Variants in DKK2 observed in about 807,000 individuals in gnomAD.
DKK2 encodes the protein dickkopf-related protein 2.
Under a neutral mutation model 28.1 loss-of-function variants are expected in DKK2, and 11 were observed. The observed-to-expected ratio is 0.39, with a 90% confidence interval of 0.25 to 0.65. DKK2 has a LOEUF of 0.65. Ranked by LOEUF, DKK2 falls within the 30% of genes least tolerant of loss-of-function variation. The probability of loss-of-function intolerance (pLI) is 0.47; values close to 1 mark genes in which losing one functional copy is unlikely to be tolerated. For synonymous variants in DKK2, 135 were observed against 126.5 expected (o/e 1.07, Z -0.45); for missense variants, 326 against 335.5 (o/e 0.97, Z 0.22).
chr4:106,972,496 T>C (rs1323731010), intron 1 of DKK2, among the ~76,000 whole-genome samples: 3 of 151,910 alleles, frequency 2.0e-5, no homozygotes, highest in Non-Finnish European at 4.4e-5. Flanking sequence ...GGGTAAGATA[T>C]ATCTTATTCT....
intron 1 of DKK2, among the ~76,000 whole-genome samples, chr4:107,011,574 C>A (rs903818587): frequency 1.3e-5 from 2 of 151,512 alleles, no homozygotes; most frequent in African/African-American, 4.8e-5. Context: ...ACATACTCTG[C>A]ATTCATCATA....
intron 1 of DKK2, among the ~76,000 whole-genome samples, chr4:106,935,388 G>A (rs549967818): frequency 2.0e-4 from 30 of 152,316 alleles, no homozygotes; most frequent in African/African-American, 4.3e-4. Context: ...ACTCCCACCC[G>A]AATACTGCGC....
At chr4:106,984,266 T>C (rs1205368021) in intron 1 of DKK2, among the ~76,000 whole-genome samples, 1 of 152,236 alleles carries the variant, frequency 6.6e-6, no homozygotes, top group Non-Finnish European at 1.5e-5. Flanking sequence ...ATTCACAGTG[T>C]TGTGCAACCA....
intron 1 of DKK2, among the ~76,000 whole-genome samples, chr4:106,950,245 G>T (rs1035219847): frequency 6.6e-6 from 1 of 152,134 alleles, no homozygotes; most frequent in Non-Finnish European, 1.5e-5. Context: ...CACTTGCTCA[G>T]ACCAAAAACC....
At chr4:106,975,451 CT>C (rs562227048) in intron 1 of DKK2, among the ~76,000 whole-genome samples, 155 of 152,190 alleles carry the variant, frequency 1.0e-3, no homozygotes, top group African/African-American at 3.5e-3. Flanking sequence ...GGATTCGACT[CT>C]TCCTGGTTTA....
chr4:107,016,792 C>CA (rs1723614154), intron 1 of DKK2, among the ~76,000 whole-genome samples: 1 of 151,692 alleles, frequency 6.6e-6, no homozygotes. Context: ...GATTTACCGT[C>CA]AATTGAGATG....
chr4:106,940,903 A>G (rs1724687142), intron 1 of DKK2, among the ~76,000 whole-genome samples: 1 of 152,088 alleles, frequency 6.6e-6, no homozygotes, highest in South Asian at 2.1e-4. Context: ...GTGGGAATTG[A>G]ACAATGAGAT....
chr4:107,033,314 C>T (rs933567585), intron 1 of DKK2, among the ~76,000 whole-genome samples: 1 of 152,058 alleles, frequency 6.6e-6, no homozygotes, highest in Non-Finnish European at 1.5e-5. Context: ...AAATTCAACT[C>T]ATTTGTGAAA....
intron 1 of DKK2, among the ~76,000 whole-genome samples, chr4:106,975,928 T>C (rs1722938201): frequency 6.6e-6 from 1 of 152,206 alleles, no homozygotes; most frequent in Non-Finnish European, 1.5e-5. Flanking sequence ...CCAGAGATTC[T>C]GGTATGTTGC....
At chr4:106,960,243 A>C (rs1271370618) in intron 1 of DKK2, among the ~76,000 whole-genome samples, 1 of 151,816 alleles carries the variant, frequency 6.6e-6, no homozygotes, top group Non-Finnish European at 1.5e-5. Flanking sequence ...ACTCAGCCAT[A>C]AAAAAGAACG....
intron 1 of DKK2, among the ~76,000 whole-genome samples, chr4:106,930,527 G>A (rs1724486738): frequency 6.6e-6 from 1 of 152,146 alleles, no homozygotes; most frequent in South Asian, 2.1e-4. Context: ...TAACTCCTAA[G>A]TTTTCAAAAT....
At chr4:106,964,920 G>A (rs1722745021) in intron 1 of DKK2, among the ~76,000 whole-genome samples, 1 of 151,528 alleles carries the variant, frequency 6.6e-6, no homozygotes, top group African/African-American at 2.4e-5. Flanking sequence ...AGATAGGAGA[G>A]AGAGAGAGAG....
chr4:106,924,570 T>C lies in DKK2; in HGVS notation c.504A>G (p.Pro168=). The C allele has an allele frequency of 6.2e-7, 1 of 1,613,874 alleles. No homozygotes were observed. The highest frequency in any genetic ancestry group is 8.5e-7 in the Non-Finnish European group (1 of 1,179,812). The change falls in exon 3 of 4, where the codon CCA becomes CCG. Residue 168 remains proline, a synonymous_variant. Transcript: ENST00000285311. The part of the protein sequence containing the change: ...HDLGWQNLGR[P]HTKMSHIKGH... ...CTTTTATATGTGACATCTTAGTGTG[T>C]GGTCTTCCTAGATTCTGCCATCCCA...
At chr4:107,032,108 C>T (rs1340170076) in intron 1 of DKK2, among the ~76,000 whole-genome samples, 1 of 151,942 alleles carries the variant, frequency 6.6e-6, no homozygotes, top group Admixed American at 6.6e-5. Flanking sequence ...ACAGCACATA[C>T]ATGCAGTACT....
Position 106,923,670 on chromosome 4 carries a change from ATTTCCAC to A in DKK2, c.*277_*283del, listed in dbSNP as rs1428571183. On this transcript the variant is annotated 3_prime_UTR_variant, in exon 4 of 4. Coordinates refer to ENST00000285311, the MANE Select transcript of DKK2 (RefSeq NM_014421.3). Reference sequence around the variant, plus strand: ...GAAAGTCACATGCTACTCATCAGTAATTTCCACTGTGTGCTTGTTCTCTTAATAATAG... The same window carrying A: ...GAAAGTCACATGCTACTCATCAGTAATGTGTGCTTGTTCTCTTAATAATAG... The A allele has an allele frequency of 3.4e-5, 12 of 352,542 alleles. No homozygotes were observed. The highest frequency in any genetic ancestry group is 6.3e-5 in the Non-Finnish European group (12 of 190,192). 21.8% of individuals were successfully genotyped at this position (352,542 alleles called of 1,614,324 possible).
At chr4:107,022,529 T>G (rs1723712917) in intron 1 of DKK2, among the ~76,000 whole-genome samples, 1 of 152,104 alleles carries the variant, frequency 6.6e-6, no homozygotes, top group African/African-American at 2.4e-5. Flanking sequence ...ATGAGCTGTG[T>G]GGCTTGAGGG....
At chr4:107,024,722 T>C (rs1412087784) in intron 1 of DKK2, among the ~76,000 whole-genome samples, 1 of 152,186 alleles carries the variant, frequency 6.6e-6, no homozygotes, top group Non-Finnish European at 1.5e-5. Flanking sequence ...GGATTTACTA[T>C]TATGACAACC....
At chr4:107,024,594 A>G (rs1271171828) in intron 1 of DKK2, among the ~76,000 whole-genome samples, 1 of 152,196 alleles carries the variant, frequency 6.6e-6, no homozygotes, top group African/African-American at 2.4e-5. Flanking sequence ...TGCTTAATTC[A>G]GATTTGCACT....
chr4:106,948,321 G>GA (rs763957854), intron 1 of DKK2, among the ~76,000 whole-genome samples: 3 of 152,238 alleles, frequency 2.0e-5, no homozygotes, highest in Non-Finnish European at 2.9e-5. Context: ...TGTGGGGCCT[G>GA]AAAATCTATG....
Sources: gnomAD v4.1 joint callset for allele counts (sites outside exome capture counted in the v4.1 genomes callset) on GRCh38, gnomAD v4.1.1 for gene constraint, MANE v1.5 for transcripts, NCBI Gene and HGNC (gene_info 2026-07-23, HGNC 2026-07-21) for gene names.